The following STS variants were observed in gnomAD, a reference collection of about 807,000 sequenced individuals.
STS encodes the protein steryl-sulfatase.
Under a neutral mutation model 26.8 loss-of-function variants are expected in STS, and 7 were observed. The ratio of observed to expected loss-of-function variants is 0.26; its 90% CI spans 0.15 to 0.49. The LOEUF (loss-of-function observed/expected upper bound fraction) is 0.49. Among genes scored for constraint, STS ranks in the 20% least tolerant of loss-of-function variants. The pLI, the probability that STS is intolerant of heterozygous loss-of-function variation, is 0.98. For missense variants in STS, 434 were observed against 465.6 expected (o/e 0.93, Z 0.63); for synonymous variants, 199 against 189.4 (o/e 1.05, Z -0.42).
At chrX:7,325,603 C>T in intron 9 of STS, 105 bp downstream of exon 9, 1 of 973,256 alleles carries the variant, frequency 1.0e-6, no homozygotes, top group Non-Finnish European at 1.5e-6. Flanking sequence ...CTTTGGCCCC[C>T]TGGAGTTTTC....
intron 8 of STS, among the ~76,000 whole-genome samples, chrX:7,319,344 A>G (rs2147154578): frequency 9.1e-6 from 1 of 109,554 alleles, no homozygotes; most frequent in African/African-American, 3.3e-5. Context: ...ATTTTTTTGT[A>G]GAGATGGCAT....
chrX:7,202,361 A>G (rs994007929), intron 2 of STS, among the ~76,000 whole-genome samples: 4 of 111,263 alleles, frequency 3.6e-5, no homozygotes, highest in Non-Finnish European at 7.5e-5. Context: ...AAAAATGCAT[A>G]TAATATATAA....
chrX:7,255,342 A>C (rs1013419077), intron 3 of STS, among the ~76,000 whole-genome samples: 5 of 112,180 alleles, frequency 4.5e-5, no homozygotes, highest in Non-Finnish European at 9.4e-5. Flanking sequence ...TACATTTGTG[A>C]TATAGATCTT....
chrX:7,298,148 A>C (rs1925756396), intron 7 of STS, among the ~76,000 whole-genome samples: 1 of 111,730 alleles, frequency 9.0e-6, no homozygotes, highest in African/African-American at 3.3e-5. Flanking sequence ...CCCTGCAGTT[A>C]CATTGAGTAG....
intron 2 of STS, among the ~76,000 whole-genome samples, chrX:7,248,329 T>C (rs1444346037): frequency 3.6e-5 from 4 of 112,417 alleles, no homozygotes; most frequent in African/African-American, 6.5e-5. Context: ...TGTTGGGCTG[T>C]GTCTGCTACA....
intron 7 of STS, among the ~76,000 whole-genome samples, chrX:7,288,778 T>C (rs1374657571): frequency 4.6e-5 from 5 of 109,668 alleles, no homozygotes; most frequent in African/African-American, 1.7e-4. Context: ...AAAACTTGGG[T>C]AGGACAAGTG....
chrX:7,204,623 C>T (rs1472337444), intron 2 of STS, among the ~76,000 whole-genome samples: 1 of 101,164 alleles, frequency 9.9e-6, no homozygotes, highest in African/African-American at 3.6e-5. Flanking sequence ...TCCCTTCCTT[C>T]TTCCCTCCCT....
At chrX:7,311,511 A>G (rs1012780855) in intron 8 of STS, among the ~76,000 whole-genome samples, 2 of 111,198 alleles carry the variant, frequency 1.8e-5, no homozygotes, top group Admixed American at 1.9e-4. Context: ...TGTCACTCCA[A>G]TCTCTGCCTC....
chrX:7,217,902 A>G (rs1921376308), intron 2 of STS, among the ~76,000 whole-genome samples: 1 of 111,959 alleles, frequency 8.9e-6, no homozygotes, highest in Admixed American at 9.5e-5. Context: ...TACCAATATG[A>G]TCTTCAATCC....
At chrX:7,323,401 G>C (rs959301486) in intron 8 of STS, among the ~76,000 whole-genome samples, 1 of 110,528 alleles carries the variant, frequency 9.0e-6, no homozygotes, top group Admixed American at 9.7e-5. Flanking sequence ...GTAGTTCCCA[G>C]TGTCTACTGT....
intron 2 of STS, among the ~76,000 whole-genome samples, chrX:7,233,587 A>G (rs1388258785): frequency 9.0e-6 from 1 of 111,354 alleles, no homozygotes; most frequent in African/African-American, 3.3e-5. Context: ...AGCAATTTTT[A>G]CAAAATTCCT....
chrX:7,314,450 C>T (rs184552097), intron 8 of STS, among the ~76,000 whole-genome samples: 1 of 112,132 alleles, frequency 8.9e-6, no homozygotes, highest in East Asian at 2.8e-4. Context: ...GTTATCTGAG[C>T]TGGGAGTAGG....
At chrX:7,296,076 GC>G (rs1400269886) in intron 7 of STS, among the ~76,000 whole-genome samples, 2 of 111,676 alleles carry the variant, frequency 1.8e-5, no homozygotes, top group African/African-American at 6.5e-5. Flanking sequence ...ATTGTTCATA[GC>G]CTCTGGCCAT....
At chrX:7,297,714 C>T (rs1925736059) in intron 7 of STS, among the ~76,000 whole-genome samples, 2 of 111,847 alleles carry the variant, frequency 1.8e-5, no homozygotes, top group African/African-American at 3.2e-5. Flanking sequence ...TCCTCTAATC[C>T]AAGAACTTCA....
intron 2 of STS, among the ~76,000 whole-genome samples, chrX:7,213,989 G>C (rs925111388): frequency 9.0e-6 from 1 of 111,142 alleles, no homozygotes; most frequent in African/African-American, 3.3e-5. Context: ...AGGCTGAGGC[G>C]GGAGGATTGC....
chrX:7,321,501 G>A (rs1927030691), intron 8 of STS, among the ~76,000 whole-genome samples: 1 of 111,995 alleles, frequency 8.9e-6, no homozygotes, highest in African/African-American at 3.3e-5. Flanking sequence ...CACTAGAGCA[G>A]AGTGCAATAA....
At chrX:7,207,290 A>G (rs1465550611) in intron 2 of STS, among the ~76,000 whole-genome samples, 1 of 112,264 alleles carries the variant, frequency 8.9e-6, no homozygotes, top group African/African-American at 3.2e-5. Context: ...ATTTTTATTC[A>G]AGAAGTAACA....
chrX:7,318,332 C>T (rs1192561887), intron 8 of STS, among the ~76,000 whole-genome samples: 2 of 110,978 alleles, frequency 1.8e-5, no homozygotes, highest in Admixed American at 1.9e-4. Context: ...TGGCGCATCT[C>T]GCTTTCCACA....
intron 8 of STS, among the ~76,000 whole-genome samples, chrX:7,311,173 A>G (rs1207283569): frequency 9.5e-6 from 1 of 105,689 alleles, no homozygotes. Flanking sequence ...TGTCCAGGCC[A>G]CTGTGGTCTG....
Sources: allele counts gnomAD v4.1 joint callset (sites outside exome capture counted in the v4.1 genomes callset), GRCh38; gene constraint gnomAD v4.1.1; transcripts MANE v1.5; gene names NCBI Gene and HGNC (gene_info 2026-07-23, HGNC 2026-07-21).